AGBL1: variants seen among roughly 807,000 people sequenced by gnomAD.
The protein encoded by AGBL1 is AGBL carboxypeptidase 1, also known as cytosolic carboxypeptidase 4.
A neutral mutation model predicts 118.9 loss-of-function variants in AGBL1; 130 were observed. That is an observed-to-expected ratio of 1.09 (90% CI 0.95 to 1.26). AGBL1 has a LOEUF of 1.26. AGBL1 is among the 50% of genes most tolerant of loss of function. AGBL1 has a pLI of 0.00. For synonymous variants in AGBL1, 555 were observed against 478.9 expected (o/e 1.16, Z -2.08); for missense variants, 1,584 against 1,298.1 (o/e 1.22, Z -3.38).
intron 17 of AGBL1, among the ~76,000 whole-genome samples, chr15:86,334,002 A>T (rs368796889): frequency 4.6e-5 from 7 of 152,344 alleles, no homozygotes; most frequent in African/African-American, 1.7e-4. Context: ...GAAACTCTAA[A>T]GAAATTAGTC....
At chr15:86,667,296 G>T (rs1358634026) in intron 21 of AGBL1, among the ~76,000 whole-genome samples, 7 of 150,790 alleles carry the variant, frequency 4.6e-5, no homozygotes, top group Non-Finnish European at 1.5e-5. Flanking sequence ...TTGGCTTGCT[G>T]CCCTGTTTAT....
At chr15:86,288,531 C>A (rs1213536319) in intron 16 of AGBL1, among the ~76,000 whole-genome samples, 1 of 151,890 alleles carries the variant, frequency 6.6e-6, no homozygotes, top group Non-Finnish European at 1.5e-5. Context: ...GTTTCGAAAA[C>A]CATTTTTATT....
intron 1 of AGBL1, among the ~76,000 whole-genome samples, chr15:86,133,384 G>T (rs2076843620): frequency 6.6e-6 from 1 of 152,072 alleles, no homozygotes. Flanking sequence ...ATCCTTTTCT[G>T]ATTCACATCA....
chr15:86,379,484 T>C (rs908187452), intron 17 of AGBL1, among the ~76,000 whole-genome samples: 4 of 152,216 alleles, frequency 2.6e-5, no homozygotes, highest in Non-Finnish European at 2.9e-5. Context: ...GAGTACAGTT[T>C]GAATAATAAT....
rs903189543 is a variant in AGBL1, at chr15:86,262,649, C to T, written c.970-129C>T. The T allele has an allele frequency of 5.8e-5, 41 of 710,092 alleles. No individual in the cohort carries two copies. The Middle Eastern group carries it at 9.2e-4, about 16-fold the overall frequency. The allele number at this position is 710,092 out of a possible 1,614,324, so 44.0% of individuals were successfully genotyped here. A position where few individuals can be genotyped will look rare whatever the true frequency, so the allele number is the denominator to read the frequency against. On this transcript the variant is annotated intron_variant, in intron 9 of 22. Transcript: ENST00000614907. ...CATAACAAATTCTTCACTGGATGGG[C>T]CAGTGCTATAATTTGGAGGCAAGAA...
rs143979565 is a variant in AGBL1, at chr15:86,454,297, C to T, written c.2555+56751C>T. Among the ~76,000 whole-genome samples, 417 of 152,224 alleles carry T rather than the reference C, an allele frequency of 2.7e-3. 2 individuals carry two copies. The highest frequency in any genetic ancestry group is 9.3e-3 in the African/African-American group (388 of 41,544). On this transcript the variant is annotated intron_variant, in intron 18 of 22. Coordinates refer to ENST00000614907, the MANE Select transcript of AGBL1 (RefSeq NM_001386094.1). ...GCTAATTGTTGCCAAAAATATAGAACGATTGGAACTCTCTTACGTGGCCAG... is the reference window on the plus strand; with the variant it reads ...GCTAATTGTTGCCAAAAATATAGAATGATTGGAACTCTCTTACGTGGCCAG...
chr15:86,266,976 T>C lies in AGBL1; in HGVS notation c.1752-14T>C, dbSNP rs767350041. The C allele has an allele frequency of 3.6e-5, 55 of 1,548,182 alleles. No homozygotes were observed. In the Middle Eastern group the frequency reaches 5.0e-4, roughly 14 times the overall value. On this transcript the variant is annotated splice_polypyrimidine_tract_variant and intron_variant, in intron 12 of 22. Transcript: ENST00000614907. ...GATAACACATATGTTCACATGTTCC[T>C]TATTTCATTGTAGGCCTTTGCAAGA... is the stretch of plus-strand genomic sequence containing the variant.
intron 22 of AGBL1, among the ~76,000 whole-genome samples, chr15:86,871,950 G>A (rs968344656): frequency 5.3e-5 from 8 of 152,072 alleles, no homozygotes; most frequent in Admixed American, 2.0e-4. Flanking sequence ...AAATACTTTG[G>A]TACATATGTT....
intron 23 of AGBL1, among the ~76,000 whole-genome samples, chr15:86,934,907 G>T (rs560811333): frequency 6.6e-6 from 1 of 152,264 alleles, no homozygotes; most frequent in East Asian, 1.9e-4. Context: ...AGGACGATAA[G>T]ACATACTCCA....
At chr15:86,969,166 A>C (rs2081082982) in intron 23 of AGBL1, among the ~76,000 whole-genome samples, 1 of 151,988 alleles carries the variant, frequency 6.6e-6, no homozygotes. Context: ...TTTAAAGTTC[A>C]AAGTCTCATC....
intron 16 of AGBL1, among the ~76,000 whole-genome samples, chr15:86,283,347 A>G (rs1172882583): frequency 6.6e-6 from 1 of 152,168 alleles, no homozygotes; most frequent in Admixed American, 6.5e-5. Flanking sequence ...AAGAGACAAC[A>G]AAAGCGGTCA....
intron 24 of AGBL1, among the ~76,000 whole-genome samples, chr15:87,002,868 A>G (rs79345902): frequency 0.62 from 93,739 of 150,892 alleles, 29,544 homozygotes; most frequent in South Asian, 0.75. Context: ...TCAGCTTAAG[A>G]AGATTTTGGG....
chr15:86,250,219 T>C (rs1455963991), intron 7 of AGBL1, among the ~76,000 whole-genome samples: 1 of 152,038 alleles, frequency 6.6e-6, no homozygotes, highest in African/African-American at 2.4e-5. Flanking sequence ...CCCTTGCTTT[T>C]AGTCTTTTAA....
At chr15:86,406,018 G>A (rs1251457325) in intron 18 of AGBL1, among the ~76,000 whole-genome samples, 1 of 152,202 alleles carries the variant, frequency 6.6e-6, no homozygotes, top group African/African-American at 2.4e-5. Context: ...CAGCCTAGAG[G>A]GTGAAGGAGT....
At chr15:86,271,883 A>G (rs1016036319) in intron 15 of AGBL1, among the ~76,000 whole-genome samples, 177 bp downstream of exon 15, 1 of 152,222 alleles carries the variant, frequency 6.6e-6, no homozygotes, top group Non-Finnish European at 1.5e-5. Flanking sequence ...ATTCACTGGC[A>G]CGCACAGTAG....
intron 18 of AGBL1, among the ~76,000 whole-genome samples, chr15:86,416,198 C>A (rs112025544): frequency 6.6e-6 from 1 of 152,204 alleles, no homozygotes; most frequent in Non-Finnish European, 1.5e-5. Flanking sequence ...AATATTGACT[C>A]GTTTCTAAGA....
At chr15:86,389,250 C>A (rs1206473711) in intron 17 of AGBL1, among the ~76,000 whole-genome samples, 1 of 151,896 alleles carries the variant, frequency 6.6e-6, no homozygotes, top group Non-Finnish European at 1.5e-5. Flanking sequence ...AGAACACATA[C>A]AACAGAAAAC....
intron 21 of AGBL1, among the ~76,000 whole-genome samples, chr15:86,602,510 G>A (rs8028834): frequency 0.41 from 62,943 of 151,966 alleles, 13,272 homozygotes; most frequent in Middle Eastern, 0.48. Flanking sequence ...CAGGTATGCT[G>A]TCAGTTAGTT....
chr15:86,482,805 A>T (rs1019974103), intron 18 of AGBL1, among the ~76,000 whole-genome samples: 5 of 152,176 alleles, frequency 3.3e-5, no homozygotes, highest in Admixed American at 1.3e-4. Flanking sequence ...ATTTTGCTTT[A>T]CATGATCTTA....
Sources: allele counts gnomAD v4.1 joint callset (sites outside exome capture counted in the v4.1 genomes callset), GRCh38; gene constraint gnomAD v4.1.1; transcripts MANE v1.5; gene names NCBI Gene and HGNC (gene_info 2026-07-23, HGNC 2026-07-21).